The following ZNF527 variants were observed in gnomAD, a reference collection of about 807,000 sequenced individuals.
ZNF527 encodes the protein zinc finger protein 527.
Under a neutral mutation model 13.5 loss-of-function variants are expected in ZNF527, and 5 were observed. The observed-to-expected ratio is 0.37, with a 90% CI of 0.19 to 0.78. The LOEUF (loss-of-function observed/expected upper bound fraction) is 0.78. Ranked by LOEUF, ZNF527 falls within the 30% of genes least tolerant of loss-of-function variation. The probability of loss-of-function intolerance (pLI) is 0.48; values close to 1 mark genes in which losing one functional copy is unlikely to be tolerated. For missense variants in ZNF527, 628 were observed against 726.4 expected, an observed-to-expected ratio of 0.86 and a Z score of 1.56; for synonymous variants, 209 against 243.1, an observed-to-expected ratio of 0.86 and a Z score of 1.30.
In ZNF527 at chr19:37,392,565, T is replaced by G. The variant is rs2040763194; in HGVS notation, c.*2686T>G. On this transcript the variant is annotated 3_prime_UTR_variant, in exon 5 of 5. Coordinates refer to ENST00000436120, the MANE Select transcript of ZNF527 (RefSeq NM_032453.2). The stretch of plus-strand genomic sequence containing the variant: ...CTACCACACCTGGCTAAGTTTCGCG[T>G]TTTTCTGTAGAGATGGGGTTTCGCG... 6.6e-6 allele frequency: 1 copy of G among 151,942 alleles called. No individual in the cohort carries two copies. 9.4% of individuals were successfully genotyped at this position (151,942 alleles called of 1,614,324 possible). A position where few individuals can be genotyped will look rare whatever the true frequency, so the allele number is the denominator to read the frequency against.
chr19:37,390,824 A>G lies in ZNF527; in HGVS notation c.*945A>G, dbSNP rs1446540708. ...ATTAGAGTGCTGATTCACACATTCT[A>G]TGTTTGCTATACATAAAAGAAAGCC... On this transcript the variant is annotated 3_prime_UTR_variant, in exon 5 of 5. Transcript: ENST00000436120. The G allele has an allele frequency of 1.3e-5, 2 of 152,146 alleles. No individual in the cohort carries two copies. The highest frequency in any genetic ancestry group is 1.5e-5 in the Non-Finnish European group (1 of 68,010). 9.4% of individuals were successfully genotyped at this position (152,146 alleles called of 1,614,324 possible).
At chr19:37,375,067 G>A (rs546690937) in intron 2 of ZNF527, among the ~76,000 whole-genome samples, 77 of 152,298 alleles carry the variant, frequency 5.1e-4, no homozygotes, top group African/African-American at 1.9e-3. Context: ...TTTTGGCTAG[G>A]CAGCTACATG....
At chr19:37,384,803 T>C in intron 4 of ZNF527, 1 of 599,530 alleles carries the variant, frequency 1.7e-6, no homozygotes, top group Non-Finnish European at 3.0e-6. Context: ...ATGCATTGTC[T>C]ATAAAGTTTT....
intron 4 of ZNF527, chr19:37,385,045 A>C (rs1324674505): frequency 1.5e-6 from 1 of 670,790 alleles, no homozygotes; most frequent in African/African-American, 1.8e-5. Flanking sequence ...AGGCTGGTCT[A>C]GCACTCCTGG....
intron 3 of ZNF527, 48 bp from the exon 4 acceptor site, chr19:37,380,229 T>G (rs377628659): frequency 6.2e-7 from 1 of 1,608,928 alleles, no homozygotes; most frequent in Non-Finnish European, 8.5e-7. Flanking sequence ...TTTGTTTGTC[T>G]GTATGTCTTT....
rs1203218307 is a variant in ZNF527, at chr19:37,390,308, C to T, written c.*429C>T. Reference sequence around the variant, plus strand: ...ACTCCCAAAGTGCTGGGATTATGGGCGTGAGCCACCGCGCCTGGCCACATC... The same window carrying T: ...ACTCCCAAAGTGCTGGGATTATGGGTGTGAGCCACCGCGCCTGGCCACATC... On this transcript the variant is annotated 3_prime_UTR_variant, in exon 5 of 5. Transcript: ENST00000436120. 3.6e-5 allele frequency: 6 copies of T among 166,314 alleles called. No individual in the cohort carries two copies. The highest frequency in any genetic ancestry group is 1.8e-4 in the East Asian group (1 of 5,696). 10.3% of individuals were successfully genotyped at this position (166,314 alleles called of 1,614,324 possible). A position where few individuals can be genotyped will look rare whatever the true frequency, so the allele number is the denominator to read the frequency against.
chr19:37,388,643 A>G lies in ZNF527; in HGVS notation c.594A>G (p.Lys198=). The G allele has an allele frequency of 6.2e-7, 1 of 1,613,476 alleles. No individual in the cohort carries two copies. Residue 198 remains lysine, a synonymous_variant, in exon 5 of 5, where the codon AAA becomes AAG. Transcript: ENST00000436120. ...TACATAAATTTGATATTTATGATAAACTCTTCCCCCAAAATTCAGTCATAA... is the reference window on the plus strand; with the variant it reads ...TACATAAATTTGATATTTATGATAAGCTCTTCCCCCAAAATTCAGTCATAA... ...QQVHKFDIYD[K]LFPQNSVIIE... is the part of the protein sequence containing the mutation.
At position 37,389,622 on chromosome 19, in the gene ZNF527, C is replaced by T; in HGVS notation, c.1573C>T (p.Pro525Ser). ...HHKRSHAGEK[P>S]YECNKCGKAF... ...TAAGAGAAGTCATGCAGGAGAGAAACCCTATGAATGTAACAAATGTGGAAA... is the reference window on the plus strand; with the variant it reads ...TAAGAGAAGTCATGCAGGAGAGAAATCCTATGAATGTAACAAATGTGGAAA... Residue 525 changes from proline to serine, a missense_variant, in exon 5 of 5, where the codon CCC (proline) becomes TCC (serine). Physicochemically the swap from Pro to Ser is moderately conservative, Grantham distance 74 (BLOSUM62 -1). Around this residue, in one of 3 missense-constraint regions of ZNF527, gnomAD observed 592 missense variants for 678.0 expected, o/e 0.87. Coordinates refer to ENST00000436120, the MANE Select transcript of ZNF527 (RefSeq NM_032453.2). 6.2e-7 allele frequency: 1 copy of T among 1,614,078 alleles called. No homozygotes were observed.
chr19:37,376,405 T>C (rs1413215390), intron 2 of ZNF527, among the ~76,000 whole-genome samples: 1 of 151,424 alleles, frequency 6.6e-6, no homozygotes, highest in Non-Finnish European at 1.5e-5. Context: ...CAGTGGCTCA[T>C]GCTCATGCCT....
Position 37,388,457 on chromosome 19 carries a change from T to G in ZNF527, c.408T>G (p.Phe136Leu). ...AAGCCTGGAAATATAAGGGTGAATTTGAGCTACATCAGGGAAATGCGGAGA... is the reference window on the plus strand; with the variant it reads ...AAGCCTGGAAATATAAGGGTGAATTGGAGCTACATCAGGGAAATGCGGAGA... ...FREAWKYKGE[F>L]ELHQGNAERH... Residue 136 changes from phenylalanine to leucine, a missense_variant, in exon 5 of 5, where the codon TTT (phenylalanine) becomes TTG (leucine). Transcript: ENST00000436120. 5.0e-6 allele frequency: 8 copies of G among 1,614,176 alleles called. No homozygotes were observed. The highest frequency in any genetic ancestry group is 6.8e-6 in the Non-Finnish European group (8 of 1,180,020).
chr19:37,375,760 G>A (rs935658582), intron 2 of ZNF527, among the ~76,000 whole-genome samples: 34 of 152,208 alleles, frequency 2.2e-4, no homozygotes, highest in Admixed American at 1.2e-3. Context: ...GCTTTAGGAT[G>A]TTCAACATTC....
At chr19:37,387,908 C>T (rs1423793246) in intron 4 of ZNF527, among the ~76,000 whole-genome samples, 1 of 152,158 alleles carries the variant, frequency 6.6e-6, no homozygotes, top group East Asian at 1.9e-4. Context: ...CCATCCCTGC[C>T]CTCATGGAGC....
In ZNF527 at chr19:37,373,986, T is replaced by A. The variant is rs147439371; in HGVS notation, c.-41-172T>A. On this transcript the variant is annotated intron_variant, in intron 1 of 4. Coordinates refer to ENST00000436120, the MANE Select transcript of ZNF527 (RefSeq NM_032453.2). ...GCGTCCTTAATATATAAGTCAAGACTTTGGGAGTTAAGTTCAGCATTGGAT... is the reference window on the plus strand; with the variant it reads ...GCGTCCTTAATATATAAGTCAAGACATTGGGAGTTAAGTTCAGCATTGGAT... 3.4e-3 allele frequency among the ~76,000 whole-genome samples: 493 copies of A among 146,842 alleles called. 1 individual carries two copies. The highest frequency in any genetic ancestry group is 5.6e-3 in the Non-Finnish European group (373 of 67,060).
chr19:37,385,076 T>G (rs1190348507), intron 4 of ZNF527: 4 of 539,004 alleles, frequency 7.4e-6, no homozygotes. Context: ...TCCTCCCATC[T>G]TGGCATCCCA....
intron 4 of ZNF527, among the ~76,000 whole-genome samples, chr19:37,387,805 A>G (rs940813790): frequency 6.6e-6 from 1 of 152,200 alleles, no homozygotes; most frequent in Non-Finnish European, 1.5e-5. Context: ...AAAAGTTGCT[A>G]TGAGATTAAT....
chr19:37,372,467 C>CTTTTTTTTTTT (rs1022024971), intron 1 of ZNF527, among the ~76,000 whole-genome samples: 143 of 65,644 alleles, frequency 2.2e-3, no homozygotes, highest in East Asian at 2.5e-3. Context: ...CTTTTCTTTT[C>CTTTTTTTTTTT]TTTTTTTTTT....
At position 37,392,834 on chromosome 19, in the gene ZNF527, C is replaced by T. The variant is rs562030682; in HGVS notation, c.*2955C>T. 3 of 152,244 alleles carry T rather than the reference C, an allele frequency of 2.0e-5. No homozygotes were observed. The highest frequency in any genetic ancestry group is 2.9e-5 in the Non-Finnish European group (2 of 68,022). 9.4% of individuals were successfully genotyped at this position (152,244 alleles called of 1,614,324 possible). On this transcript the variant is annotated 3_prime_UTR_variant, in exon 5 of 5. Coordinates refer to ENST00000436120, the MANE Select transcript of ZNF527 (RefSeq NM_032453.2). ...TCTTTTGTACCCATGTGTTTAGCTT[C>T]AGTGTATTTTACAATCTGATGTTTC...
chr19:37,377,485 G>A (rs1387228419), intron 2 of ZNF527, among the ~76,000 whole-genome samples: 1 of 152,160 alleles, frequency 6.6e-6, no homozygotes, highest in Non-Finnish European at 1.5e-5. Flanking sequence ...TAGTAGAGTG[G>A]TTTTGCAGTG....
At chr19:37,376,107 C>G (rs1432245722) in intron 2 of ZNF527, among the ~76,000 whole-genome samples, 1 of 152,070 alleles carries the variant, frequency 6.6e-6, no homozygotes, top group Non-Finnish European at 1.5e-5. Context: ...ATGGCGGGAC[C>G]ATCGCCTGAG....
Sources: allele counts gnomAD v4.1 joint callset (sites outside exome capture counted in the v4.1 genomes callset), GRCh38; gene constraint gnomAD v4.1.1; regional missense constraint gnomAD v4.1.1; transcripts MANE v1.5; gene names NCBI Gene and HGNC (gene_info 2026-07-23, HGNC 2026-07-21).